PLXNA4: variants seen among roughly 807,000 people sequenced by gnomAD.
PLXNA4 encodes plexin-A4.
A neutral mutation model predicts 191.8 loss-of-function variants in PLXNA4; 44 were observed. The observed-to-expected ratio is 0.23, with a 90% CI of 0.18 to 0.29. PLXNA4 has a LOEUF of 0.29. PLXNA4 is among the 10% of genes least tolerant of loss of function. The probability of loss-of-function intolerance (pLI) is 1.00; values close to 1 mark genes in which losing one functional copy is unlikely to be tolerated. For synonymous variants in PLXNA4, 1,082 were observed against 1,009.5 expected (o/e 1.07, Z -1.36); for missense variants, 1,800 against 2,488.8 (o/e 0.72, Z 5.89).
rs141839043 is a variant in PLXNA4 at position 132,194,130 on chromosome 7, C to A, written c.2788G>T (p.Val930Leu). 2 of 1,614,032 alleles carry A rather than the reference C, an allele frequency of 1.2e-6. No individual in the cohort carries two copies. ...EAKPSQHAGFVEICVAVCRPE... is the reference protein window; with the variant it reads ...EAKPSQHAGFLEICVAVCRPE... ...CGACACACAGCCACGCAGATCTCCACGAAGCCTGCATGCTGGCTGGGCTTG... is the reference window on the plus strand; with the variant it reads ...CGACACACAGCCACGCAGATCTCCAAGAAGCCTGCATGCTGGCTGGGCTTG... Residue 930 changes from valine to leucine, a missense_variant, in exon 14 of 32, where the codon GTG becomes TTG. Physicochemically the swap from Val to Leu is conservative, Grantham distance 32. Coordinates refer to ENST00000321063, the MANE Select transcript of PLXNA4 (RefSeq NM_020911.2).
intron 16 of PLXNA4, among the ~76,000 whole-genome samples, chr7:132,183,992 G>A (rs559259281): frequency 2.6e-5 from 4 of 152,292 alleles, no homozygotes; most frequent in East Asian, 1.9e-4. Context: ...ATGGCTGTGC[G>A]CCAATAAAAC....
chr7:132,556,395 T>C (rs1326820588), intron 1 of PLXNA4, among the ~76,000 whole-genome samples: 1 of 152,236 alleles, frequency 6.6e-6, no homozygotes, highest in Non-Finnish European at 1.5e-5. Context: ...ACAGGCTGTA[T>C]GGCTATTTAT....
intron 23 of PLXNA4, 116 bp downstream of exon 23, chr7:132,165,018 T>C: frequency 7.0e-7 from 1 of 1,426,170 alleles, no homozygotes; most frequent in East Asian, 2.4e-5. Flanking sequence ...CCATTTCTTG[T>C]GGGGTTATAA....
intron 2 of PLXNA4, among the ~76,000 whole-genome samples, chr7:132,606,209 G>A (rs1307842081): frequency 1.3e-5 from 2 of 152,188 alleles, no homozygotes; most frequent in East Asian, 1.9e-4. Flanking sequence ...ACCACCAGAG[G>A]CCAGGAAGAG....
chr7:132,516,164 G>T (rs999935414), intron 1 of PLXNA4, among the ~76,000 whole-genome samples: 7 of 152,056 alleles, frequency 4.6e-5, no homozygotes, highest in Admixed American at 2.6e-4. Context: ...TAAAAAACTG[G>T]TTGTACCCTG....
intron 3 of PLXNA4, among the ~76,000 whole-genome samples, chr7:132,404,422 A>G (rs1197088408): frequency 6.6e-6 from 1 of 152,198 alleles, no homozygotes; most frequent in East Asian, 1.9e-4. Context: ...AGCCTCCACC[A>G]CTGTCACCAA....
At chr7:132,548,430 G>A (rs1742080975) in intron 1 of PLXNA4, among the ~76,000 whole-genome samples, 1 of 152,130 alleles carries the variant, frequency 6.6e-6, no homozygotes, top group South Asian at 2.1e-4. Context: ...CTTGTGGAGA[G>A]AGCCCAGGAG....
chr7:132,505,529 C>A (rs927747826), intron 2 of PLXNA4, among the ~76,000 whole-genome samples: 3 of 152,266 alleles, frequency 2.0e-5, no homozygotes, highest in African/African-American at 4.8e-5. Flanking sequence ...CTAACATAGG[C>A]CTGCATATGT....
At chr7:132,305,373 C>CACACAA (rs1193156002) in intron 3 of PLXNA4, among the ~76,000 whole-genome samples, 7 of 146,858 alleles carry the variant, frequency 4.8e-5, no homozygotes, top group Non-Finnish European at 8.9e-5. Context: ...CACACACACA[C>CACACAA]ACACACACAC....
chr7:132,374,958 G>A (rs1804598794), intron 3 of PLXNA4, among the ~76,000 whole-genome samples: 1 of 152,200 alleles, frequency 6.6e-6, no homozygotes. Context: ...AGGTGTCAGA[G>A]AGGTCTGATG....
chr7:132,198,489 C>T lies in PLXNA4; in HGVS notation c.2734G>A (p.Glu912Lys), dbSNP rs1562915226. 6.2e-7 allele frequency: 1 copy of T among 1,613,972 alleles called. No individual in the cohort carries two copies. ...GTTGCATGCAGCTTCACTTACTGTT[C>T]TGCAGGGATGTAACCATCCACTAAA... ...SPLVDGYIPAEQIVCEMGEAK... is the reference protein window; with the variant it reads ...SPLVDGYIPAKQIVCEMGEAK... Residue 912 changes from glutamate (E) to lysine (K), a missense_variant, in exon 13 of 32, where the codon GAA (glutamate) becomes AAA (lysine). This residue lies in a region of PLXNA4 where 1,397 missense variants were observed against 1,880.4 expected (regional missense o/e 0.74). Transcript: ENST00000321063.
intron 1 of PLXNA4, among the ~76,000 whole-genome samples, chr7:132,647,038 G>GTCACACACATATACAT (rs1282903832): frequency 6.7e-6 from 1 of 148,684 alleles, no homozygotes; most frequent in African/African-American, 2.5e-5. Context: ...CATACACGCA[G>GTCACACACATATACAT]TCACACACAT....
chr7:132,548,170 G>C (rs1483777753), intron 1 of PLXNA4, among the ~76,000 whole-genome samples: 1 of 152,160 alleles, frequency 6.6e-6, no homozygotes, highest in Non-Finnish European at 1.5e-5. Context: ...ATCCTGTGGG[G>C]TTTGTGAGGG....
intron 3 of PLXNA4, among the ~76,000 whole-genome samples, chr7:132,412,006 T>TCA (rs1794475171): frequency 6.6e-6 from 1 of 152,194 alleles, no homozygotes; most frequent in Non-Finnish European, 1.5e-5. Context: ...GGAGCCTTTC[T>TCA]CAGGCCCTCA....
intron 4 of PLXNA4, among the ~76,000 whole-genome samples, chr7:132,249,779 T>C (rs1193676266): frequency 6.6e-6 from 1 of 152,202 alleles, no homozygotes; most frequent in Admixed American, 6.5e-5. Context: ...TTGAGAAACC[T>C]CTGGTCCCTC....
At chr7:132,640,017 T>C (rs1803708269) in intron 2 of PLXNA4, among the ~76,000 whole-genome samples, 1 of 152,222 alleles carries the variant, frequency 6.6e-6, no homozygotes, top group Admixed American at 6.5e-5. Flanking sequence ...TATTCTAGCG[T>C]TGCGCTATCA....
intron 3 of PLXNA4, among the ~76,000 whole-genome samples, chr7:132,348,842 G>A (rs976040751): frequency 3.3e-5 from 5 of 152,200 alleles, no homozygotes; most frequent in African/African-American, 1.2e-4. Flanking sequence ...AGGGGTAGAG[G>A]CAATTCTTAT....
chr7:132,388,277 T>C (rs778032625), intron 3 of PLXNA4, among the ~76,000 whole-genome samples: 1 of 152,086 alleles, frequency 6.6e-6, no homozygotes, highest in Admixed American at 6.5e-5. Flanking sequence ...CCGACTTCCA[T>C]AGGAGTTCTC....
chr7:132,586,251 G>A (rs1291060857), intron 2 of PLXNA4, among the ~76,000 whole-genome samples: 1 of 152,176 alleles, frequency 6.6e-6, no homozygotes, highest in African/African-American at 2.4e-5. Context: ...AGATAGAGGA[G>A]ACATGGTCAT....
Sources: allele counts gnomAD v4.1 joint callset (sites outside exome capture counted in the v4.1 genomes callset), GRCh38; gene constraint gnomAD v4.1.1; regional missense constraint gnomAD v4.1.1; transcripts MANE v1.5; gene names NCBI Gene and HGNC (gene_info 2026-07-23, HGNC 2026-07-21).